Variants in UBE2T observed in about 807,000 individuals in gnomAD.
UBE2T encodes the protein ubiquitin conjugating enzyme E2 T, also known as ubiquitin-conjugating enzyme E2 T.
In UBE2T, 15 loss-of-function variants were observed where a neutral mutation model predicts 23.3. The ratio of observed to expected loss-of-function variants is 0.64; its 90% CI spans 0.43 to 0.99. The LOEUF (loss-of-function observed/expected upper bound fraction) is 0.99. Ranked by LOEUF, UBE2T falls within the 50% of genes least tolerant of loss-of-function variation. The probability of loss-of-function intolerance (pLI) is 0.00; values close to 1 mark genes in which losing one functional copy is unlikely to be tolerated. For missense variants in UBE2T, 197 were observed against 234.9 expected (o/e 0.84, Z 1.05); for synonymous variants, 67 against 78.4 (o/e 0.85, Z 0.77).
chr1:202,331,717 GATAA>G lies in UBE2T; in HGVS notation c.*114_*117del, dbSNP rs768192893. ...AAGATTTCAAAATACATATGTACAAGATAAATAAACTACACAAAAATTATGTCAT... is the reference window on the plus strand; with the variant it reads ...AAGATTTCAAAATACATATGTACAAGATAAACTACACAAAAATTATGTCAT... On this transcript the variant is annotated 3_prime_UTR_variant, in exon 7 of 7. Transcript: ENST00000646651. 8.0e-4 allele frequency: 1,018 copies of G among 1,270,246 alleles called. 2 individuals carry two copies. The highest frequency in any genetic ancestry group is 9.3e-4 in the Non-Finnish European group (852 of 911,248). The allele number at this position is 1,270,246 out of a possible 1,614,324, so 78.7% of individuals were successfully genotyped here.
At chr1:202,333,593 T>A (rs1293994312) in intron 3 of UBE2T, 38 bp from the exon 4 acceptor site, 3 of 1,569,796 alleles carry the variant, frequency 1.9e-6, no homozygotes, top group Non-Finnish European at 2.6e-6. Context: ...TTTCATTACA[T>A]AATTTTGCTT....
intron 1 of UBE2T, among the ~76,000 whole-genome samples, chr1:202,340,485 G>C (rs1183796080): frequency 1.3e-5 from 2 of 151,568 alleles, no homozygotes; most frequent in East Asian, 3.9e-4. Context: ...CTGCACTCCA[G>C]CCTGGGTGGC....
rs758744733 is a variant in UBE2T at position 202,333,140 on chromosome 1, G to T, written c.385-47C>A. ...GAGTTAATGGAGAAAAACATGATTT[G>T]CAGTGGTTAGAGCTGCTGCAGCTAT... On this transcript the variant is annotated intron_variant, in intron 5 of 6. Coordinates refer to ENST00000646651, the MANE Select transcript of UBE2T (RefSeq NM_014176.4). 33 of 1,603,166 alleles carry T rather than the reference G, an allele frequency of 2.1e-5. No homozygotes were observed. In the Admixed American group the frequency reaches 5.5e-4, roughly 27 times the overall value.
In UBE2T at chr1:202,335,670, C is replaced by T. The variant is rs1457358639; in HGVS notation, c.85G>A (p.Asp29Asn). 1 of 1,613,928 alleles carries T rather than the reference C, an allele frequency of 6.2e-7. No homozygotes were observed. The highest frequency in any genetic ancestry group is 1.3e-5 in the African/African-American group (1 of 74,902). Residue 29 changes from aspartate to asparagine, a missense_variant, in exon 2 of 7, where the codon GAC (aspartate) becomes AAC (asparagine). By Grantham distance (23) the Asp-to-Asn change is conservative (BLOSUM62 1). Transcript: ENST00000646651. This position sits in a 1 kb window ranked among gnomAD's most constrained non-coding sequence, Gnocchi z 4.0. ...CGAGCTCGCAGGTCATCCATTTGGT[C>T]TTTATCTTGCCAACATGTGATGCCT... ...PPGITCWQDKDQMDDLRAQIL... is the reference protein window; with the variant it reads ...PPGITCWQDKNQMDDLRAQIL...
At chr1:202,341,650 T>C (rs1655009476) in intron 1 of UBE2T, among the ~76,000 whole-genome samples, 2 of 149,264 alleles carry the variant, frequency 1.3e-5, no homozygotes, top group Admixed American at 6.7e-5. Context: ...GGCTGTTATG[T>C]CCCTTCTAGT....
intron 1 of UBE2T, among the ~76,000 whole-genome samples, chr1:202,339,574 T>C (rs1337198024): frequency 7.5e-6 from 1 of 132,662 alleles, no homozygotes; most frequent in Non-Finnish European, 1.5e-5. Flanking sequence ...CACCCCAGCC[T>C]GGGCGATAGA....
At chr1:202,339,679 A>G (rs1208548681) in intron 1 of UBE2T, among the ~76,000 whole-genome samples, 4 of 151,894 alleles carry the variant, frequency 2.6e-5, no homozygotes, top group Non-Finnish European at 5.9e-5. Context: ...CCTAAACAAT[A>G]CAGTGTAACA....
Position 202,335,147 on chromosome 1 carries a change from T to A in UBE2T, c.110-89A>T. On this transcript the variant is annotated intron_variant, in intron 2 of 6. Coordinates refer to ENST00000646651, the MANE Select transcript of UBE2T (RefSeq NM_014176.4). This position sits in a 1 kb window ranked among gnomAD's most constrained non-coding sequence, Gnocchi z 4.0. ...GAGCTAATGAGGTCTATGGTCCTAA[T>A]AGAGAAACTAGGCCTAGGACAATAA... The A allele has an allele frequency of 9.7e-7, 1 of 1,034,370 alleles. No individual in the cohort carries two copies. Among genetic ancestry groups the A allele is most frequent in the Non-Finnish European group, 1.4e-6 (1 of 701,162 alleles). The allele number at this position is 1,034,370 out of a possible 1,614,324, so 64.1% of individuals were successfully genotyped here. A position where few individuals can be genotyped will look rare whatever the true frequency, so the allele number is the denominator to read the frequency against.
chr1:202,332,863 C>T, intron 6 of UBE2T, 147 bp downstream of exon 6: 1 of 296,560 alleles, frequency 3.4e-6, no homozygotes. Context: ...AGCCGAGATC[C>T]CGCCACTGCA....
intron 1 of UBE2T, among the ~76,000 whole-genome samples, chr1:202,337,437 T>C (rs888067658): frequency 5.9e-5 from 9 of 152,334 alleles, no homozygotes; most frequent in Middle Eastern, 3.4e-3. Context: ...TTCAAATATT[T>C]TATAATTTTG....
At chr1:202,333,631 C>T (rs1654817696) in intron 3 of UBE2T, 76 bp from the exon 4 acceptor site, 1 of 1,358,244 alleles carries the variant, frequency 7.4e-7, no homozygotes, top group Non-Finnish European at 1.0e-6. Flanking sequence ...GTTTCTTGGT[C>T]ACAATAATTT....
chr1:202,334,604 G>A (rs1432072071), intron 3 of UBE2T, among the ~76,000 whole-genome samples: 1 of 152,218 alleles, frequency 6.6e-6, no homozygotes, highest in Admixed American at 6.5e-5. Context: ...TGAGAGCGGG[G>A]AGAAATGGGG....
Position 202,333,439 on chromosome 1 carries a change from C to T in UBE2T, c.285+11G>A. On this transcript the variant is annotated intron_variant, in intron 4 of 6. Coordinates refer to ENST00000646651, the MANE Select transcript of UBE2T (RefSeq NM_014176.4). ...GAATGCTGTAGAGTCAACCATTTACCCACAACTCACTTTTGGTGGCAATTT... is the reference window on the plus strand; with the variant it reads ...GAATGCTGTAGAGTCAACCATTTACTCACAACTCACTTTTGGTGGCAATTT... The T allele has an allele frequency of 1.2e-6, 2 of 1,613,840 alleles. No homozygotes were observed. The highest frequency in any genetic ancestry group is 1.7e-6 in the Non-Finnish European group (2 of 1,179,834).
intron 1 of UBE2T, among the ~76,000 whole-genome samples, chr1:202,340,620 A>G: frequency 6.6e-6 from 1 of 152,232 alleles, no homozygotes; most frequent in East Asian, 1.9e-4. Context: ...TGCAAATACT[A>G]CACCATTTTA....
intron 1 of UBE2T, among the ~76,000 whole-genome samples, chr1:202,341,577 CAAAAAAAAAAAAAAAAAA>C (rs57598991): frequency 4.9e-5 from 1 of 20,302 alleles, no homozygotes; most frequent in South Asian, 3.6e-3. Flanking sequence ...GACTCCGTCT[CAAAAAAAAAAAAAAAAAA>C]AAAAAAAAAA....
Position 202,333,259 on chromosome 1 carries a change from T to G in UBE2T, c.362A>C (p.Asp121Ala). ...IQLLMSEPNPDDPLMADISSE... is the reference protein window; with the variant it reads ...IQLLMSEPNPADPLMADISSE... ...TACTATGTCAGCCATGAGCGGGTCA[T>G]CAGGGTTGGGTTCTGACATGAGCAG... The change falls in exon 5 of 7, where the codon GAT (aspartate) becomes GCT (alanine). Residue 121 changes from aspartate (D) to alanine (A), a missense_variant. Physicochemically the swap from Asp to Ala is moderately radical, Grantham distance 126. Transcript: ENST00000646651. 6.2e-7 allele frequency: 1 copy of G among 1,614,170 alleles called. No individual in the cohort carries two copies. The highest frequency in any genetic ancestry group is 8.5e-7 in the Non-Finnish European group (1 of 1,180,028).
At chr1:202,336,379 G>A (rs1233849349) in intron 1 of UBE2T, among the ~76,000 whole-genome samples, 1 of 152,006 alleles carries the variant, frequency 6.6e-6, no homozygotes. Flanking sequence ...GTGCCACCAC[G>A]CCAGTCCAAG....
intron 6 of UBE2T, 118 bp from the exon 7 acceptor site, chr1:202,332,078 T>C: frequency 7.8e-7 from 1 of 1,277,408 alleles, no homozygotes; most frequent in East Asian, 2.4e-5. Context: ...AAATACAGTA[T>C]TATGCATACG....
chr1:202,337,069 A>C (rs1654901525), intron 1 of UBE2T, among the ~76,000 whole-genome samples: 2 of 152,072 alleles, frequency 1.3e-5, no homozygotes, highest in Admixed American at 6.6e-5. Flanking sequence ...CAGCCTCCCG[A>C]GCAGCTGGCA....
Sources: allele counts gnomAD v4.1 joint callset (sites outside exome capture counted in the v4.1 genomes callset), GRCh38; gene constraint gnomAD v4.1.1; non-coding constraint Gnocchi (gnomAD v3.1); transcripts MANE v1.5; gene names NCBI Gene and HGNC (gene_info 2026-07-23, HGNC 2026-07-21).